The following SLC22A15 variants were observed in gnomAD, a reference collection of about 807,000 sequenced individuals.
SLC22A15 encodes the protein solute carrier family 22 member 15.
A neutral mutation model predicts 62.7 loss-of-function variants in SLC22A15; 45 were observed. The ratio of observed to expected loss-of-function variants is 0.72; its 90% CI spans 0.56 to 0.92. The LOEUF (loss-of-function observed/expected upper bound fraction) is 0.92, where lower values mean the gene tolerates loss of function less well. Among genes scored for constraint, SLC22A15 ranks in the 40% least tolerant of loss-of-function variants. The pLI is 0.00. For missense variants in SLC22A15, 622 were observed against 665.6 expected, an observed-to-expected ratio of 0.93 and a Z score of 0.72; for synonymous variants, 264 against 267.0, an observed-to-expected ratio of 0.99 and a Z score of 0.11.
intron 4 of SLC22A15, among the ~76,000 whole-genome samples, chr1:116,026,063 A>G (rs1017143455): frequency 2.0e-5 from 3 of 152,210 alleles, no homozygotes; most frequent in Non-Finnish European, 4.4e-5. Context: ...CATGTATCCT[A>G]TAGTAATACA....
intron 10 of SLC22A15, 91 bp from the exon 11 acceptor site, chr1:116,066,429 A>G (rs1386059176): frequency 6.6e-6 from 8 of 1,214,270 alleles, no homozygotes; most frequent in African/African-American, 1.5e-5. Flanking sequence ...GGTGGTAAAC[A>G]TGACAGTTTT....
At chr1:116,035,095 C>A in intron 6 of SLC22A15, 92 bp from the exon 7 acceptor site, 3 of 1,311,402 alleles carry the variant, frequency 2.3e-6, no homozygotes, top group Non-Finnish European at 3.2e-6. Context: ...TTATATTGAA[C>A]CAATATTTGA....
At chr1:116,043,739 G>A (rs530131962) in intron 8 of SLC22A15, among the ~76,000 whole-genome samples, 2 of 152,200 alleles carry the variant, frequency 1.3e-5, no homozygotes, top group East Asian at 3.9e-4. Flanking sequence ...AGAAAAGGAA[G>A]AAGACACACA....
intron 7 of SLC22A15, 84 bp from the exon 8 acceptor site, chr1:116,037,219 G>T (rs1436499947): frequency 8.1e-7 from 1 of 1,229,116 alleles, no homozygotes; most frequent in Non-Finnish European, 1.2e-6. Context: ...TGAAACTGAA[G>T]ATTTTTAAAT....
At chr1:116,066,731 T>A in intron 11 of SLC22A15, 23 bp downstream of exon 11, 1 of 1,594,310 alleles carries the variant, frequency 6.3e-7, no homozygotes, top group South Asian at 1.1e-5. Flanking sequence ...TCTTAATTAT[T>A]ATACCGCTTG....
chr1:116,052,679 C>T (rs551917945), intron 8 of SLC22A15, among the ~76,000 whole-genome samples: 1 of 152,330 alleles, frequency 6.6e-6, no homozygotes, highest in East Asian at 1.9e-4. Flanking sequence ...ACTGACACCT[C>T]ACACGGCGGG....
intron 9 of SLC22A15, 106 bp from the exon 10 acceptor site, chr1:116,064,330 G>T: frequency 1.3e-6 from 1 of 747,180 alleles, no homozygotes; most frequent in Non-Finnish European, 2.3e-6. Context: ...CTAGGATCCT[G>T]TGCTTCCACT....
intron 3 of SLC22A15, among the ~76,000 whole-genome samples, chr1:116,020,014 A>AAAAGACTGTGAC (rs1656738082): frequency 6.6e-6 from 1 of 152,212 alleles, no homozygotes; most frequent in Non-Finnish European, 1.5e-5. Context: ...GGAGAGAAGT[A>AAAAGACTGTGAC]AAAGACTGTG....
Position 116,032,614 on chromosome 1 carries a change from G to T in SLC22A15, c.944+1033G>T, listed in dbSNP as rs959202599. The T allele has an allele frequency of 1.7e-5, 17 of 985,230 alleles. No homozygotes were observed. In the Admixed American group the frequency reaches 8.6e-4, roughly 50 times the overall value. 61.0% of individuals were successfully genotyped at this position (985,230 alleles called of 1,614,324 possible). A position where few individuals can be genotyped will look rare whatever the true frequency, so the allele number is the denominator to read the frequency against. The stretch of plus-strand genomic sequence containing the variant: ...GTGGCTGCCACCTGTATGGTTGGGG[G>T]CCATGTTAACCAACTGCTGCTTTCC... On this transcript the variant is annotated intron_variant, in intron 6 of 11. Transcript: ENST00000369503.
chr1:116,022,924 C>T (rs916294830), intron 4 of SLC22A15, among the ~76,000 whole-genome samples: 12 of 152,156 alleles, frequency 7.9e-5, no homozygotes, highest in African/African-American at 2.9e-4. Flanking sequence ...GAGTAGCTTC[C>T]TTCCCTCTCT....
intron 8 of SLC22A15, among the ~76,000 whole-genome samples, chr1:116,046,990 G>T (rs1297832457): frequency 1.3e-5 from 2 of 152,118 alleles, no homozygotes; most frequent in Non-Finnish European, 2.9e-5. Flanking sequence ...CCCCACCCTG[G>T]TAGCTGAAGG....
At chr1:116,018,928 A>G (rs1482565453) in intron 2 of SLC22A15, among the ~76,000 whole-genome samples, 4 of 152,222 alleles carry the variant, frequency 2.6e-5, no homozygotes, top group Non-Finnish European at 5.9e-5. Context: ...AAGCTGAGTA[A>G]TATTCCACTG....
At chr1:115,989,694 T>C (rs1257195409) in intron 1 of SLC22A15, among the ~76,000 whole-genome samples, 1 of 152,034 alleles carries the variant, frequency 6.6e-6, no homozygotes, top group African/African-American at 2.4e-5. Flanking sequence ...GGCATGAGAA[T>C]TGCTTGAATC....
At chr1:116,031,725 C>T (rs1220075132) in intron 6 of SLC22A15, 144 bp downstream of exon 6, 12 of 1,450,600 alleles carry the variant, frequency 8.3e-6, no homozygotes, top group South Asian at 7.5e-5. Context: ...GTCTCCTGAT[C>T]CTTAGCGCCT....
rs938009789 is a variant in SLC22A15, at chr1:116,027,164, C to A, written c.728+142C>A. On this transcript the variant is annotated intron_variant, in intron 5 of 11. Transcript: ENST00000369503. ...TGAAGAACTAAATTCTGCAAGTGCTCCAATTCTTGGCAGCTCCTGGGAAGA... is the reference window on the plus strand; with the variant it reads ...TGAAGAACTAAATTCTGCAAGTGCTACAATTCTTGGCAGCTCCTGGGAAGA... The A allele has an allele frequency of 8.8e-6, 7 of 792,026 alleles. No homozygotes were observed. In the African/African-American group the frequency reaches 1.0e-4, roughly 12 times the overall value. The allele number at this position is 792,026 out of a possible 1,614,324, so 49.1% of individuals were successfully genotyped here.
chr1:116,061,907 C>T (rs1658389914), intron 8 of SLC22A15, among the ~76,000 whole-genome samples: 2 of 151,962 alleles, frequency 1.3e-5, no homozygotes, highest in Admixed American at 6.6e-5. Context: ...TATTTAGATT[C>T]TTGTTATTTA....
Position 116,064,466 on chromosome 1 carries a change from C to T in SLC22A15, c.1323C>T (p.Phe441=), listed in dbSNP as rs775398278. ...RNVGLGTCSM[F]SRVGGIIAPF... is the part of the protein sequence containing the mutation. ...TTGGGCTTGGAACTTGTTCCATGTT[C>T]TCCCGAGTTGGTGGGATTATTGCTC... is the stretch of plus-strand genomic sequence containing the variant. Residue 441 remains phenylalanine, a synonymous_variant, in exon 10 of 12, where the codon TTC becomes TTT. Transcript: ENST00000369503. 3.7e-6 allele frequency: 6 copies of T among 1,613,572 alleles called. No individual in the cohort carries two copies. In the South Asian group the frequency reaches 4.4e-5, roughly 12 times the overall value.
At chr1:116,002,548 A>G (rs1655795211) in intron 2 of SLC22A15, among the ~76,000 whole-genome samples, 1 of 152,002 alleles carries the variant, frequency 6.6e-6, no homozygotes, top group South Asian at 2.1e-4. Flanking sequence ...CTGAGCTGGT[A>G]CCGAGATTGC....
At chr1:116,026,341 C>T (rs1471116319) in intron 4 of SLC22A15, among the ~76,000 whole-genome samples, 1 of 151,888 alleles carries the variant, frequency 6.6e-6, no homozygotes, top group African/African-American at 2.4e-5. Flanking sequence ...TTGCTTGAAC[C>T]CGGGAGCCTG....
Sources: gnomAD v4.1 joint callset for allele counts (sites outside exome capture counted in the v4.1 genomes callset) on GRCh38, gnomAD v4.1.1 for gene constraint, MANE v1.5 for transcripts, NCBI Gene and HGNC (gene_info 2026-07-23, HGNC 2026-07-21) for gene names.